ASAP1: variants seen among roughly 807,000 people sequenced by gnomAD.
ASAP1 encodes the protein arf-GAP with SH3 domain, ANK repeat and PH domain-containing protein 1.
Under a neutral mutation model 145.2 loss-of-function variants are expected in ASAP1, and 43 were observed. The observed-to-expected ratio is 0.30, with a 90% confidence interval of 0.23 to 0.38. ASAP1 has a LOEUF of 0.38. Among genes scored for constraint, ASAP1 ranks in the 10% least tolerant of loss-of-function variants. The pLI is 1.00. For synonymous variants in ASAP1, 546 were observed against 515.5 expected, an observed-to-expected ratio of 1.06 and a Z score of -0.80; for missense variants, 1,018 against 1,355.3, an observed-to-expected ratio of 0.75 and a Z score of 3.91.
chr8:130,072,831 G>GCGCGCGCACGCGC lies in ASAP1; in HGVS notation c.2701+3516_2701+3517insGCGCGTGCGCGCG, dbSNP rs58907739. Among the ~76,000 whole-genome samples the GCGCGCGCACGCGC allele has an allele frequency of 1.1e-4, 12 of 110,776 alleles. 2 individuals are homozygous for GCGCGCGCACGCGC. Among genetic ancestry groups the GCGCGCGCACGCGC allele is most frequent in the Admixed American group, 6.1e-4 (7 of 11,516 alleles). 72.7% of individuals were successfully genotyped at this position (110,776 alleles called of 152,430 possible). A position where few individuals can be genotyped will look rare whatever the true frequency, so the allele number is the denominator to read the frequency against. On this transcript the variant is annotated intron_variant, in intron 27 of 29. Coordinates refer to ENST00000518721, the MANE Select transcript of ASAP1 (RefSeq NM_018482.4). ...TGTGTGTGTGTGTGTGTGTGCGCGC[G>GCGCGCGCACGCGC]GGGGGGGGCAGTTTTGGGGACTGAG... is the stretch of plus-strand genomic sequence containing the variant.
rs74581925 is a variant in ASAP1, at chr8:130,369,081, T to C, written c.60-10938A>G. Among the ~76,000 whole-genome samples the C allele has an allele frequency of 2.7e-3, 408 of 152,366 alleles. 2 individuals are homozygous for C. Among genetic ancestry groups the C allele is most frequent in the African/African-American group, 8.3e-3 (345 of 41,596 alleles). On this transcript the variant is annotated intron_variant, in intron 2 of 29. Transcript: ENST00000518721. ...TGATATTTACGTCAAAGGATTGTTATACAGAATCAATTAGATAATACACAT... is the reference window on the plus strand; with the variant it reads ...TGATATTTACGTCAAAGGATTGTTACACAGAATCAATTAGATAATACACAT...
In ASAP1 at chr8:130,416,979, C is replaced by A. The variant is rs73427418; in HGVS notation, c.-27-15009G>T. 3.5e-3 allele frequency among the ~76,000 whole-genome samples: 532 copies of A among 152,344 alleles called. 2 individuals carry two copies. Among genetic ancestry groups the A allele is most frequent in the African/African-American group, 0.012 (514 of 41,572 alleles). The stretch of plus-strand genomic sequence containing the variant: ...CAAATGGAAGAAATAAAGGCCATAG[C>A]TCCCAGTACACACATCTGTGTACAT... On this transcript the variant is annotated intron_variant, in intron 1 of 29. Coordinates refer to ENST00000518721, the MANE Select transcript of ASAP1 (RefSeq NM_018482.4).
intron 2 of ASAP1, among the ~76,000 whole-genome samples, chr8:130,359,160 T>G (rs1182968316): frequency 6.6e-6 from 1 of 152,130 alleles, no homozygotes; most frequent in Non-Finnish European, 1.5e-5. Flanking sequence ...TGAAGACGAA[T>G]GAAGGGTTTG....
At chr8:130,300,525 C>G (rs1006179438) in intron 3 of ASAP1, among the ~76,000 whole-genome samples, 1 of 152,146 alleles carries the variant, frequency 6.6e-6, no homozygotes, top group African/African-American at 2.4e-5. Flanking sequence ...ACCCCTCCCC[C>G]AGAGTTTCTG....
Position 130,236,993 on chromosome 8 carries a change from G to C in ASAP1, c.188C>G (p.Ala63Gly), listed in dbSNP as rs1382983007. 1.3e-6 allele frequency: 2 copies of C among 1,582,700 alleles called. No homozygotes were observed. The highest frequency in any genetic ancestry group is 1.7e-6 in the Non-Finnish European group (2 of 1,165,244). The change falls in exon 4 of 30, where the codon GCT (alanine) becomes GGT (glycine). Residue 63 changes from alanine to glycine, a missense_variant and splice_region_variant. Transcript: ENST00000518721. ...AAGGGCTGTTCTATCTTGGTCTAGAGCCTAAAAGAGAAAAAAGGGGGAAAA... is the reference window on the plus strand; with the variant it reads ...AAGGGCTGTTCTATCTTGGTCTAGACCCTAAAAGAGAAAAAAGGGGGAAAA... ...CRNTVTLLEE[A>G]LDQDRTALQK...
At chr8:130,148,720 TTA>T (rs976070135) in intron 13 of ASAP1, among the ~76,000 whole-genome samples, 3 of 152,238 alleles carry the variant, frequency 2.0e-5, no homozygotes, top group Admixed American at 6.5e-5. Context: ...GTAATTTGTT[TTA>T]TGATATTTAT....
intron 3 of ASAP1, among the ~76,000 whole-genome samples, chr8:130,289,637 G>A (rs993044877): frequency 1.3e-5 from 2 of 152,122 alleles, no homozygotes; most frequent in Admixed American, 6.5e-5. Flanking sequence ...TACCATTCTC[G>A]AAGAAAGGAT....
chr8:130,366,624 G>T (rs72724460), intron 2 of ASAP1, among the ~76,000 whole-genome samples: 5,262 of 152,130 alleles, frequency 0.035, 121 homozygotes, highest in Middle Eastern at 0.065. Flanking sequence ...AAGAGTGTGC[G>T]ATCTGGATTC....
At chr8:130,359,046 G>A (rs1354824698) in intron 2 of ASAP1, among the ~76,000 whole-genome samples, 2 of 152,168 alleles carry the variant, frequency 1.3e-5, no homozygotes, top group African/African-American at 4.8e-5. Context: ...GGCCTCCCGG[G>A]GCCCGGGCTT....
At chr8:130,134,598 C>T (rs34014736) in intron 14 of ASAP1, among the ~76,000 whole-genome samples, 8,133 of 152,140 alleles carry the variant, frequency 0.053, 254 homozygotes, top group Admixed American at 0.096. Context: ...CAAGGTCACA[C>T]GGCAATAAAA....
rs141648357 is a variant in ASAP1, at chr8:130,272,648, A to G, written c.187-35654T>C. ...GATAAAGAAGATGTAGTATATATAC[A>G]AATGGAATACTATTTGACCATAACA... On this transcript the variant is annotated intron_variant, in intron 3 of 29. Transcript: ENST00000518721. Among the ~76,000 whole-genome samples, 544 of 152,360 alleles carry G rather than the reference A, an allele frequency of 3.6e-3. 1 individual carries two copies. Among genetic ancestry groups the G allele is most frequent in the African/African-American group, 0.013 (524 of 41,588 alleles).
chr8:130,248,222 G>A (rs948704095), intron 3 of ASAP1, among the ~76,000 whole-genome samples: 7 of 151,892 alleles, frequency 4.6e-5, no homozygotes, highest in Non-Finnish European at 1.0e-4. Flanking sequence ...GGCGGGTGCC[G>A]GGGGGGTTGG....
chr8:130,188,550 A>G (rs1167029840), intron 5 of ASAP1, among the ~76,000 whole-genome samples: 1 of 151,966 alleles, frequency 6.6e-6, no homozygotes, highest in Non-Finnish European at 1.5e-5. Context: ...CCTGGCCAAC[A>G]TGGGGAGACA....
chr8:130,429,442 T>C (rs867157927), intron 1 of ASAP1, among the ~76,000 whole-genome samples: 61 of 152,282 alleles, frequency 4.0e-4, no homozygotes, highest in Middle Eastern at 3.4e-3. Flanking sequence ...TCTTATTCTC[T>C]CCATTTGACA....
At chr8:130,068,337 T>C (rs923460072) in intron 27 of ASAP1, among the ~76,000 whole-genome samples, 1 of 151,850 alleles carries the variant, frequency 6.6e-6, no homozygotes, top group African/African-American at 2.4e-5. Context: ...AAGGAGAAAA[T>C]TACGCAGGGA....
chr8:130,188,612 T>C (rs569756283), intron 5 of ASAP1, among the ~76,000 whole-genome samples: 1 of 150,158 alleles, frequency 6.7e-6, no homozygotes, highest in Admixed American at 6.7e-5. Flanking sequence ...TCTACAACTG[T>C]AGTTCCAGCT....
intron 3 of ASAP1, among the ~76,000 whole-genome samples, chr8:130,257,888 C>G (rs1179599639): frequency 6.7e-6 from 1 of 149,348 alleles, no homozygotes; most frequent in African/African-American, 2.5e-5. Context: ...TCTAGCAAAT[C>G]TGTTAAAGAA....
At chr8:130,151,917 C>T (rs2097647270) in intron 13 of ASAP1, among the ~76,000 whole-genome samples, 2 of 152,198 alleles carry the variant, frequency 1.3e-5, no homozygotes, top group Non-Finnish European at 2.9e-5. Context: ...CAAGTTACAG[C>T]TGTTCTTTGT....
At chr8:130,424,621 T>G (rs1029225272) in intron 1 of ASAP1, among the ~76,000 whole-genome samples, 2 of 152,074 alleles carry the variant, frequency 1.3e-5, no homozygotes, top group Admixed American at 6.6e-5. Context: ...AGGGACCAGG[T>G]GCATTCATTC....
Sources: gnomAD v4.1 joint callset for allele counts (sites outside exome capture counted in the v4.1 genomes callset) on GRCh38, gnomAD v4.1.1 for gene constraint, MANE v1.5 for transcripts, NCBI Gene and HGNC (gene_info 2026-07-23, HGNC 2026-07-21) for gene names.